USP24: variants seen among roughly 807,000 people sequenced by gnomAD.
USP24 encodes the protein ubiquitin specific peptidase 24, also known as ubiquitin carboxyl-terminal hydrolase 24.
A neutral mutation model predicts 361.6 loss-of-function variants in USP24; 97 were observed. The observed-to-expected ratio is 0.27, with a 90% CI of 0.23 to 0.32. The LOEUF (loss-of-function observed/expected upper bound fraction) is 0.32, where lower values mean the gene tolerates loss of function less well. Among genes scored for constraint, USP24 ranks in the 10% least tolerant of loss-of-function variants. The probability of loss-of-function intolerance (pLI) is 1.00; values close to 1 mark genes in which losing one functional copy is unlikely to be tolerated. For synonymous variants in USP24, 1,098 were observed against 1,124.6 expected (o/e 0.98, Z 0.47); for missense variants, 2,353 against 3,165.6 (o/e 0.74, Z 6.16).
chr1:55,175,057 C>T (rs932515958), intron 3 of USP24, among the ~76,000 whole-genome samples: 1 of 151,954 alleles, frequency 6.6e-6, no homozygotes, highest in South Asian at 2.1e-4. Context: ...GCCCAAATGA[C>T]AATTTGAAAA....
chr1:55,096,821 T>C, intron 49 of USP24, 131 bp downstream of exon 49: 1 of 1,369,466 alleles, frequency 7.3e-7, no homozygotes, highest in Non-Finnish European at 9.8e-7. Context: ...GCACGAAGCT[T>C]TAAAACTTCA....
At chr1:55,111,744 C>T (rs1418880823) in intron 38 of USP24, among the ~76,000 whole-genome samples, 1 of 152,018 alleles carries the variant, frequency 6.6e-6, no homozygotes, top group African/African-American at 2.4e-5. Context: ...TAAGTTTTGG[C>T]TGAATTTTTA....
chr1:55,090,075 G>C (rs1645341918), intron 54 of USP24, among the ~76,000 whole-genome samples: 1 of 151,978 alleles, frequency 6.6e-6, no homozygotes, highest in South Asian at 2.1e-4. Context: ...CTGAACTATA[G>C]CATTTTTTTC....
intron 1 of USP24, among the ~76,000 whole-genome samples, chr1:55,199,785 A>G (rs1220535825): frequency 2.0e-5 from 3 of 152,180 alleles, no homozygotes; most frequent in Non-Finnish European, 4.4e-5. Flanking sequence ...AAATATATCT[A>G]GTATTGTATT....
intron 23 of USP24, 76 bp from the exon 24 acceptor site, chr1:55,141,807 T>C (rs1274102026): frequency 1.4e-6 from 2 of 1,389,812 alleles, no homozygotes; most frequent in Non-Finnish European, 1.0e-6. Context: ...ACAGGATAAT[T>C]TGCTGTTGCA....
intron 16 of USP24, among the ~76,000 whole-genome samples, chr1:55,150,543 G>T (rs1647165255): frequency 1.3e-5 from 2 of 151,914 alleles, no homozygotes; most frequent in Admixed American, 1.3e-4. Flanking sequence ...CTTCCCAAAA[G>T]GATTACAAAA....
intron 17 of USP24, among the ~76,000 whole-genome samples, chr1:55,148,166 G>A (rs1293381049): frequency 6.6e-6 from 1 of 151,194 alleles, no homozygotes; most frequent in Non-Finnish European, 1.5e-5. Flanking sequence ...CAAGCAACAA[G>A]CTTTTTAATC....
chr1:55,073,747 C>T (rs1022661745), intron 64 of USP24, 81 bp downstream of exon 64: 25 of 1,327,924 alleles, frequency 1.9e-5, no homozygotes, highest in Non-Finnish European at 2.3e-5. Context: ...GTATCAAAAC[C>T]GGGCACATGT....
At chr1:55,170,338 C>T (rs1214602238) in intron 5 of USP24, among the ~76,000 whole-genome samples, 2 of 151,562 alleles carry the variant, frequency 1.3e-5, no homozygotes, top group Admixed American at 6.6e-5. Context: ...TGGATGCATA[C>T]GTAAAGTGAA....
In USP24 at chr1:55,153,888, G is replaced by A. The variant is rs1477524650; in HGVS notation, c.1842C>T (p.Asn614=). 6.4e-7 allele frequency: 1 copy of A among 1,550,888 alleles called. No individual in the cohort carries two copies. The highest frequency in any genetic ancestry group is 8.7e-7 in the Non-Finnish European group (1 of 1,146,628). ...RPGEWSGLEK[N]KKDGFKSSQL... is the part of the protein sequence containing the mutation. Reference sequence around the variant, plus strand: ...TTCTTACCTTGAATCCATCCTTCTTGTTTTTTTCCAAACCTGACCATTCTC... The same window carrying A: ...TTCTTACCTTGAATCCATCCTTCTTATTTTTTTCCAAACCTGACCATTCTC... Residue 614 remains asparagine (N), a synonymous_variant, in exon 16 of 68, where the codon AAC becomes AAT. Transcript: ENST00000294383.
Position 55,146,942 on chromosome 1 carries a change from T to A in USP24, c.2237A>T (p.Glu746Val). Residue 746 changes from glutamate (E) to valine (V), a missense_variant, in exon 19 of 68, where the codon GAA becomes GTA. Glu to Val is a moderately radical substitution (Grantham distance 121, BLOSUM62 -2). Coordinates refer to ENST00000294383, the MANE Select transcript of USP24 (RefSeq NM_015306.3). ...ECLVTGQDVC[E>V]LDREMCFEWF... ...CCACCTTCTTACCTCTCTATCTAAT[T>A]CACAAACATCCTGGCCAGTTACAAG... 1 of 1,612,344 alleles carries A rather than the reference T, an allele frequency of 6.2e-7. No individual in the cohort carries two copies.
intron 12 of USP24, among the ~76,000 whole-genome samples, chr1:55,155,949 T>C (rs1647611375): frequency 6.6e-6 from 1 of 152,118 alleles, no homozygotes; most frequent in Non-Finnish European, 1.5e-5. Context: ...CAACATTCTC[T>C]TTTTTTGCTC....
At chr1:55,202,890 C>T (rs1167241628) in intron 1 of USP24, among the ~76,000 whole-genome samples, 1 of 152,038 alleles carries the variant, frequency 6.6e-6, no homozygotes, top group Admixed American at 6.6e-5. Context: ...TATGAATAAC[C>T]AATGTTAAAA....
chr1:55,172,413 A>C lies in USP24; in HGVS notation c.666T>G (p.Asp222Glu). 6.2e-7 allele frequency: 1 copy of C among 1,613,294 alleles called. No individual in the cohort carries two copies. The highest frequency in any genetic ancestry group is 8.5e-7 in the Non-Finnish European group (1 of 1,179,574). Residue 222 changes from aspartate (D) to glutamate (E), a missense_variant, in exon 4 of 68, where the codon GAT becomes GAG. Asp to Glu is a conservative substitution (Grantham distance 45, BLOSUM62 2). This residue lies in a region of USP24 where 386 missense variants were observed against 560.5 expected (regional missense o/e 0.69). Transcript: ENST00000294383. ...CACCCAGGAGACCAGTGGGAATTGG[A>C]TCTTGTTTTATTCTCTCTGCGACCA... ...IELVAERIKQ[D>E]PIPTGLLGVL...
intron 62 of USP24, among the ~76,000 whole-genome samples, 163 bp from the exon 63 acceptor site, chr1:55,075,686 G>A (rs1468586249): frequency 6.6e-6 from 1 of 151,888 alleles, no homozygotes; most frequent in Non-Finnish European, 1.5e-5. Flanking sequence ...ACCAATACAG[G>A]ACGGGCATGG....
chr1:55,071,376 A>C (rs1644915348), intron 67 of USP24: 6 of 990,844 alleles, frequency 6.1e-6, no homozygotes, highest in Admixed American at 5.8e-5. Flanking sequence ...TACATGTCAA[A>C]ATTTTCTTGG....
chr1:55,128,419 T>C (rs968106110), intron 32 of USP24, among the ~76,000 whole-genome samples: 1 of 152,168 alleles, frequency 6.6e-6, no homozygotes, highest in African/African-American at 2.4e-5. Context: ...CTTCTTGACA[T>C]GTTTCTCTCC....
intron 31 of USP24, among the ~76,000 whole-genome samples, chr1:55,131,038 T>C (rs1184237650): frequency 6.6e-6 from 1 of 152,174 alleles, no homozygotes; most frequent in Non-Finnish European, 1.5e-5. Flanking sequence ...GATGACAAGC[T>C]AGACCCATTG....
At chr1:55,106,751 AAG>A (rs1248248037) in intron 40 of USP24, among the ~76,000 whole-genome samples, 3 of 152,294 alleles carry the variant, frequency 2.0e-5, no homozygotes, top group African/African-American at 4.8e-5. Flanking sequence ...TGTGTTATAA[AAG>A]AGAGAGTTAA....
Sources: gnomAD v4.1 joint callset for allele counts (sites outside exome capture counted in the v4.1 genomes callset) on GRCh38, gnomAD v4.1.1 for gene constraint, gnomAD v4.1.1 regional missense constraint, MANE v1.5 for transcripts, NCBI Gene and HGNC (gene_info 2026-07-23, HGNC 2026-07-21) for gene names.